Variants in WWOX observed in about 807,000 individuals in gnomAD.
WWOX encodes the protein WW domain-containing oxidoreductase.
WWOX carries 69 observed loss-of-function variants against 46.2 expected under a neutral mutation model. That is an observed-to-expected ratio of 1.49 (90% CI 1.23 to 1.82). The LOEUF (loss-of-function observed/expected upper bound fraction) is 1.82. WWOX is among the 40% of genes most tolerant of loss of function. The probability of loss-of-function intolerance (pLI) is 0.00; values close to 1 mark genes in which losing one functional copy is unlikely to be tolerated. For missense variants in WWOX, 919 were observed against 542.6 expected, an observed-to-expected ratio of 1.69 and a Z score of -6.89; for synonymous variants, 359 against 202.6, an observed-to-expected ratio of 1.77 and a Z score of -6.56.
intron 8 of WWOX, among the ~76,000 whole-genome samples, chr16:78,766,207 C>CA (rs1815592552): frequency 6.6e-6 from 1 of 152,094 alleles, no homozygotes; most frequent in South Asian, 2.1e-4. Context: ...CTGGGCTACT[C>CA]AAAAAAGGAT....
chr16:79,057,746 T>C (rs1417932961), intron 8 of WWOX, among the ~76,000 whole-genome samples: 1 of 152,102 alleles, frequency 6.6e-6, no homozygotes, highest in Non-Finnish European at 1.5e-5. Flanking sequence ...GTAGAAGACA[T>C]AGGTGGTCAA....
At chr16:78,725,700 C>G (rs1322542055) in intron 8 of WWOX, among the ~76,000 whole-genome samples, 1 of 152,030 alleles carries the variant, frequency 6.6e-6, no homozygotes, top group Non-Finnish European at 1.5e-5. Context: ...AATGTATCAT[C>G]TCACAGTTCT....
intron 8 of WWOX, among the ~76,000 whole-genome samples, chr16:79,157,787 AAGAGGC>A: frequency 6.6e-6 from 1 of 152,282 alleles, no homozygotes; most frequent in African/African-American, 2.4e-5. Context: ...AGGACTGGTC[AAGAGGC>A]AGAGGGAGAG....
intron 8 of WWOX, among the ~76,000 whole-genome samples, chr16:78,707,699 A>G (rs1248188964): frequency 6.6e-6 from 1 of 152,112 alleles, no homozygotes; most frequent in Admixed American, 6.6e-5. Flanking sequence ...CCTGGCCAAC[A>G]TGGTGAAACC....
intron 5 of WWOX, among the ~76,000 whole-genome samples, chr16:78,255,011 A>G (rs1180570632): frequency 6.6e-6 from 1 of 152,230 alleles, no homozygotes; most frequent in Non-Finnish European, 1.5e-5. Flanking sequence ...TTGCAAGAGC[A>G]GTTCAGGATG....
At chr16:78,679,467 C>G (rs2047679313) in intron 8 of WWOX, among the ~76,000 whole-genome samples, 1 of 152,162 alleles carries the variant, frequency 6.6e-6, no homozygotes, top group Non-Finnish European at 1.5e-5. Flanking sequence ...AGGAGAGTCA[C>G]TTGATCCCGG....
At chr16:79,045,353 C>A (rs1169220967) in intron 8 of WWOX, among the ~76,000 whole-genome samples, 2 of 152,104 alleles carry the variant, frequency 1.3e-5, no homozygotes, top group African/African-American at 4.8e-5. Flanking sequence ...TGGCAAGGAT[C>A]AGCCCAGTTG....
intron 8 of WWOX, among the ~76,000 whole-genome samples, chr16:79,158,650 C>T (rs1354807652): frequency 6.6e-6 from 1 of 152,212 alleles, no homozygotes; most frequent in Non-Finnish European, 1.5e-5. Flanking sequence ...CCTCTCTGTC[C>T]CCACCTGCTA....
chr16:78,394,789 G>C (rs1189327997), intron 6 of WWOX, among the ~76,000 whole-genome samples: 1 of 152,206 alleles, frequency 6.6e-6, no homozygotes, highest in Non-Finnish European at 1.5e-5. Context: ...CAATGGGCCA[G>C]ATTGGCCAGG....
At chr16:78,546,915 C>T (rs550555918) in intron 8 of WWOX, among the ~76,000 whole-genome samples, 4 of 151,842 alleles carry the variant, frequency 2.6e-5, no homozygotes, top group African/African-American at 2.4e-5. Flanking sequence ...TCACTTGAGC[C>T]CAGGGGTTTC....
At chr16:78,992,615 C>G (rs1367978463) in intron 8 of WWOX, among the ~76,000 whole-genome samples, 1 of 152,172 alleles carries the variant, frequency 6.6e-6, no homozygotes, top group Non-Finnish European at 1.5e-5. Flanking sequence ...CGTACCAGCT[C>G]CCCATCCCTT....
intron 8 of WWOX, among the ~76,000 whole-genome samples, chr16:78,815,777 A>T (rs1597659986): frequency 6.6e-6 from 1 of 152,104 alleles, no homozygotes; most frequent in Non-Finnish European, 1.5e-5. Context: ...TTGTACGCAG[A>T]CCTCTCTGCC....
chr16:78,491,843 C>T (rs1226370038), intron 8 of WWOX, among the ~76,000 whole-genome samples: 3 of 152,142 alleles, frequency 2.0e-5, no homozygotes, highest in Non-Finnish European at 2.9e-5. Flanking sequence ...CAGATGCCTC[C>T]AGTGGCCCAA....
At chr16:78,195,927 C>T (rs191319226) in intron 5 of WWOX, among the ~76,000 whole-genome samples, 9 of 151,830 alleles carry the variant, frequency 5.9e-5, no homozygotes, top group Admixed American at 4.6e-4. Context: ...TTTATTTTCG[C>T]ACTTCCTATT....
chr16:78,505,842 G>A (rs2085187349), intron 8 of WWOX, among the ~76,000 whole-genome samples: 1 of 151,408 alleles, frequency 6.6e-6, no homozygotes, highest in African/African-American at 2.4e-5. Context: ...TGTAGAGAGA[G>A]TGGGTGGAGA....
intron 8 of WWOX, among the ~76,000 whole-genome samples, chr16:78,573,887 G>C (rs116868271): frequency 0.018 from 2,729 of 152,260 alleles, 49 homozygotes; most frequent in Admixed American, 0.043. Flanking sequence ...ATTATTTCAT[G>C]GTTTCTGTGG....
At chr16:78,671,753 G>C (rs2047470299) in intron 8 of WWOX, among the ~76,000 whole-genome samples, 1 of 152,154 alleles carries the variant, frequency 6.6e-6, no homozygotes. Context: ...CTATTATTTA[G>C]AACATAAGTA....
chr16:78,580,407 A>C (rs973493501), intron 8 of WWOX, among the ~76,000 whole-genome samples: 1 of 152,140 alleles, frequency 6.6e-6, no homozygotes, highest in Non-Finnish European at 1.5e-5. Flanking sequence ...GCTGAGCACC[A>C]ATTACAGATT....
At chr16:78,465,118 C>G (rs902733213) in intron 8 of WWOX, among the ~76,000 whole-genome samples, 1 of 152,190 alleles carries the variant, frequency 6.6e-6, no homozygotes, top group South Asian at 2.1e-4. Flanking sequence ...GGCTTTGACT[C>G]AGTTACCTCC....
Sources: gnomAD v4.1 joint callset for allele counts (sites outside exome capture counted in the v4.1 genomes callset) on GRCh38, gnomAD v4.1.1 for gene constraint, MANE v1.5 for transcripts, NCBI Gene and HGNC (gene_info 2026-07-23, HGNC 2026-07-21) for gene names.